The following OBSL1 variants were observed in gnomAD, a reference collection of about 807,000 sequenced individuals.
The protein encoded by OBSL1 is obscurin-like protein 1.
A neutral mutation model predicts 172.0 loss-of-function variants in OBSL1; 160 were observed. That is an observed-to-expected ratio of 0.93 (90% CI 0.82 to 1.06). The LOEUF is 1.06. OBSL1 is among the 50% of genes least tolerant of loss of function. The probability of loss-of-function intolerance (pLI) is 0.00; values close to 1 mark genes in which losing one functional copy is unlikely to be tolerated. For synonymous variants in OBSL1, 1,200 were observed against 1,196.3 expected (o/e 1.00, Z -0.06); for missense variants, 2,681 against 2,715.4 (o/e 0.99, Z 0.28).
At chr2:219,564,308 G>A (rs1696714458) in intron 6 of OBSL1, among the ~76,000 whole-genome samples, 1 of 152,194 alleles carries the variant, frequency 6.6e-6, no homozygotes, top group African/African-American at 2.4e-5. Context: ...GAGAACCACG[G>A]GGTGACTGCA....
At chr2:219,561,914 G>C in intron 8 of OBSL1, 1 of 717,506 alleles carries the variant, frequency 1.4e-6, no homozygotes, top group Non-Finnish European at 2.6e-6. Flanking sequence ...GTCGCCATGG[G>C]GGGAAGCGGG....
Position 219,571,273 on chromosome 2 carries a change from C to CGGGG in OBSL1, c.-42_-41insCCCC. Reference sequence around the variant, plus strand: ...CCTGCAGCGGCGAACGGTGGGGGGGCAGGGGGGGGTGCGGAGGGCGAGCCG... The same window carrying CGGGG: ...CCTGCAGCGGCGAACGGTGGGGGGGCGGGGAGGGGGGGGTGCGGAGGGCGAGCCG... On this transcript the variant is annotated 5_prime_UTR_variant, in exon 1 of 21. Transcript: ENST00000404537. 5 of 861,576 alleles carry CGGGG rather than the reference C, an allele frequency of 5.8e-6. No individual in the cohort carries two copies. Among genetic ancestry groups the CGGGG allele is most frequent in the Non-Finnish European group, 7.6e-6 (5 of 657,164 alleles). 53.4% of individuals were successfully genotyped at this position (861,576 alleles called of 1,614,324 possible).
rs1574530103 is a variant in OBSL1, at chr2:219,556,040, A to G, written c.4589T>C (p.Leu1530Pro). The change falls in exon 14 of 21, where the codon CTG becomes CCG. Residue 1530 changes from leucine (L) to proline (P), a missense_variant. Leu to Pro is a moderately conservative substitution (Grantham distance 98). Coordinates refer to ENST00000404537, the MANE Select transcript of OBSL1 (RefSeq NM_015311.3). Reference protein sequence around the residue: ...YGCESHHDRTLARLSVRPRQL... With the variant: ...YGCESHHDRTPARLSVRPRQL... ...CTCACGCCTCACGCTGAGCCTGGCC[A>G]GGGTGCGATCGTGGTGGCTCTCGCA... 3.1e-6 allele frequency: 5 copies of G among 1,613,634 alleles called. No individual in the cohort carries two copies. The highest frequency in any genetic ancestry group is 4.2e-6 in the Non-Finnish European group (5 of 1,179,892).
chr2:219,563,983 T>C lies in OBSL1; in HGVS notation c.2408-356A>G, dbSNP rs188005742. On this transcript the variant is annotated intron_variant, in intron 6 of 20. Coordinates refer to ENST00000404537, the MANE Select transcript of OBSL1 (RefSeq NM_015311.3). ...ATCAGGGCCATGCTTACTGCCTCTA[T>C]TACGAGAAAGACCCCAGGGTGGGCA... Among the ~76,000 whole-genome samples the C allele has an allele frequency of 2.0e-4, 30 of 152,228 alleles. 1 individual carries two copies. The highest frequency in any genetic ancestry group is 7.0e-4 in the African/African-American group (29 of 41,546).
rs371604956 is a variant in OBSL1, at chr2:219,567,338, C to A, written c.1772G>T (p.Arg591Leu). 4 of 1,610,558 alleles carry A rather than the reference C, an allele frequency of 2.5e-6. No homozygotes were observed. Among genetic ancestry groups the A allele is most frequent in the Non-Finnish European group, 3.4e-6 (4 of 1,177,590 alleles). ...CVPSEGDYRF[R>L]ICTVSGHGRS... The stretch of plus-strand genomic sequence containing the variant: ...GCCATGTCCGCTGACTGTGCAGATG[C>A]GGAAGCGGTAGTCACCCTCGGAGGG... Residue 591 changes from arginine (R) to leucine (L), a missense_variant, in exon 4 of 21, where the codon CGC becomes CTC. Physicochemically the swap from Arg to Leu is moderately radical, Grantham distance 102 (BLOSUM62 -2). This residue lies in a region of OBSL1 where 706 missense variants were observed against 695.8 expected (regional missense o/e 1.01). Transcript: ENST00000404537.
rs1223097293 is a variant in OBSL1, at chr2:219,571,353, G to A, written c.-121C>T. On this transcript the variant is annotated 5_prime_UTR_variant, in exon 1 of 21. Coordinates refer to ENST00000404537, the MANE Select transcript of OBSL1 (RefSeq NM_015311.3). ...CTGGGGACTGGGCGCGGGGACCCGC[G>A]GAGCTCTCCCGGGCCTCCCGCTCCC... 4.3e-5 allele frequency: 25 copies of A among 586,566 alleles called. No homozygotes were observed. Among genetic ancestry groups the A allele is most frequent in the Non-Finnish European group, 2.5e-5 (10 of 408,144 alleles). The allele number at this position is 586,566 out of a possible 1,614,324, so 36.3% of individuals were successfully genotyped here. A position where few individuals can be genotyped will look rare whatever the true frequency, so the allele number is the denominator to read the frequency against.
intron 8 of OBSL1, among the ~76,000 whole-genome samples, chr2:219,560,795 C>T (rs1696407124): frequency 6.6e-6 from 1 of 152,194 alleles, no homozygotes; most frequent in African/African-American, 2.4e-5. Context: ...CCGAGCAAGG[C>T]CAGGAGAGAC....
At chr2:219,551,918 G>T in intron 19 of OBSL1, 120 bp from the exon 20 acceptor site, 1 of 852,226 alleles carries the variant, frequency 1.2e-6, no homozygotes, top group Non-Finnish European at 1.9e-6. Flanking sequence ...CCACCAGTCC[G>T]TTCCCTTGCA....
In OBSL1 at chr2:219,563,482, G is replaced by A. The variant is rs1173367948; in HGVS notation, c.2553C>T (p.Asp851=). The A allele has an allele frequency of 6.2e-7, 1 of 1,613,930 alleles. No individual in the cohort carries two copies. Among genetic ancestry groups the A allele is most frequent in the South Asian group, 1.1e-5 (1 of 91,076 alleles). ...GCCCCTCATTCTCCAGCACCACGAA[G>A]TCACTCTCCTCCACCTCCTGCCCGT... The part of the protein sequence containing the change: ...YKDGQEVEES[D]FVVLENEGPH... The change falls in exon 7 of 21, where the codon GAC becomes GAT. Residue 851 remains aspartate (D), a synonymous_variant. Transcript: ENST00000404537.
intron 8 of OBSL1, 105 bp downstream of exon 8, chr2:219,562,297 C>T (rs778227357): frequency 4.7e-5 from 66 of 1,409,332 alleles, no homozygotes; most frequent in Non-Finnish European, 6.4e-5. Context: ...GCACCTGCAG[C>T]CCACACCTCC....
chr2:219,558,793 C>A (rs144100576), intron 9 of OBSL1, among the ~76,000 whole-genome samples: 92 of 152,322 alleles, frequency 6.0e-4, no homozygotes, highest in African/African-American at 2.1e-3. Context: ...CACCCCACTC[C>A]ACACCCATCC....
At chr2:219,553,950 C>A (rs960185893) in intron 15 of OBSL1, among the ~76,000 whole-genome samples, 11 of 150,998 alleles carry the variant, frequency 7.3e-5, no homozygotes, top group Non-Finnish European at 1.3e-4. Context: ...AGCTGGGGGC[C>A]AGAGGGCAAT....
chr2:219,570,857 C>T lies in OBSL1; in HGVS notation c.376G>A (p.Gly126Ser). The change falls in exon 1 of 21, where the codon GGC (glycine) becomes AGC (serine). Residue 126 changes from glycine (G) to serine (S), a missense_variant. This residue lies in a region of OBSL1 where 706 missense variants were observed against 695.8 expected (regional missense o/e 1.01). Coordinates refer to ENST00000404537, the MANE Select transcript of OBSL1 (RefSeq NM_015311.3). ...GGCCCCGTGAGGAAGACCGGGGCGC[C>T]CTCCCCGGACCCCGGCGATGGCAGC... ...RPLPSPGSGE[G>S]APVFLTGPRS... is the part of the protein sequence containing the mutation. 7.1e-7 allele frequency: 1 copy of T among 1,414,316 alleles called. No individual in the cohort carries two copies. 87.6% of individuals were successfully genotyped at this position (1,414,316 alleles called of 1,614,324 possible).
rs781561827 is a variant in OBSL1 at position 219,556,656 on chromosome 2, C to G, written c.4134G>C (p.Thr1378=). The G allele has an allele frequency of 2.5e-6, 4 of 1,612,814 alleles. No homozygotes were observed. In the South Asian group the frequency reaches 3.3e-5, roughly 13 times the overall value. ...CTGGTGGGGAGACTTCACACCGGAA[C>G]GTGGCATCATCGCCCTCGTGGACAG... ...PLTVHEGDDA[T]FRCEVSPPDA... Residue 1378 remains threonine, a synonymous_variant, in exon 13 of 21, where the codon ACG becomes ACC. Transcript: ENST00000404537.
At position 219,552,601 on chromosome 2, in the gene OBSL1, G is replaced by C; in HGVS notation, c.5243C>G (p.Thr1748Arg). The C allele has an allele frequency of 6.3e-7, 1 of 1,581,350 alleles. No homozygotes were observed. The highest frequency in any genetic ancestry group is 1.1e-5 in the South Asian group (1 of 87,716). ...GCGGCCTCCGAGCTCCCAGCGCCCC[G>C]TGGTCTCGACCTCCGACACGGTGCA... Reference protein sequence around the residue: ...FECTVSEVETTGRWELGGRPL... With the variant: ...FECTVSEVETRGRWELGGRPL... Residue 1748 changes from threonine (T) to arginine (R), a missense_variant, in exon 18 of 21, where the codon ACG becomes AGG. Physicochemically the swap from Thr to Arg is moderately conservative, Grantham distance 71 (BLOSUM62 -1). This residue lies in a region of OBSL1 where 1,765 missense variants were observed against 1,748.3 expected (regional missense o/e 1.01). Coordinates refer to ENST00000404537, the MANE Select transcript of OBSL1 (RefSeq NM_015311.3).
intron 8 of OBSL1, among the ~76,000 whole-genome samples, chr2:219,560,613 G>A (rs1022288014): frequency 1.3e-5 from 2 of 152,140 alleles, no homozygotes; most frequent in Non-Finnish European, 2.9e-5. Flanking sequence ...CCAGGGTTGG[G>A]GGGGTGGGGG....
chr2:219,558,440 C>T lies in OBSL1; in HGVS notation c.3246G>A (p.Val1082=). The T allele has an allele frequency of 6.3e-7, 1 of 1,586,918 alleles. No individual in the cohort carries two copies. The highest frequency in any genetic ancestry group is 1.1e-5 in the South Asian group (1 of 87,284). ...VTVTAPPERI[V]HPAARSLDLH... is the part of the protein sequence containing the mutation. ...GATCCAGGGAGCGGGCTGCCGGGTGCACAATCCTCTCTGGTGGGGCTGGTG... is the reference window on the plus strand; with the variant it reads ...GATCCAGGGAGCGGGCTGCCGGGTGTACAATCCTCTCTGGTGGGGCTGGTG... The change falls in exon 10 of 21, where the codon GTG becomes GTA. Residue 1082 remains valine, a synonymous_variant. Coordinates refer to ENST00000404537, the MANE Select transcript of OBSL1 (RefSeq NM_015311.3).
At chr2:219,548,137 T>G, downstream of OBSL1, 1 of 1,429,036 alleles carries the variant, frequency 7.0e-7, no homozygotes, top group Non-Finnish European at 9.3e-7. Flanking sequence ...AGGGATGGGT[T>G]GGGGGCCAAG....
rs191634842 is a variant in OBSL1, at chr2:219,562,840, G to A, written c.2681-166C>T. ...CAGTTACTCACAGCTAGAGACACAC[G>A]AATACAGCTGTCACAAAAGCACAGC... On this transcript the variant is annotated intron_variant, in intron 7 of 20. Coordinates refer to ENST00000404537, the MANE Select transcript of OBSL1 (RefSeq NM_015311.3). 616 of 710,346 alleles carry A rather than the reference G, an allele frequency of 8.7e-4. 2 individuals are homozygous for A. Among genetic ancestry groups the A allele is most frequent in the African/African-American group, 4.4e-3 (247 of 56,178 alleles). 44.0% of individuals were successfully genotyped at this position (710,346 alleles called of 1,614,324 possible). A position where few individuals can be genotyped will look rare whatever the true frequency, so the allele number is the denominator to read the frequency against.
Sources: gnomAD v4.1 joint callset for allele counts (sites outside exome capture counted in the v4.1 genomes callset) on GRCh38, gnomAD v4.1.1 for gene constraint, gnomAD v4.1.1 regional missense constraint, MANE v1.5 for transcripts, NCBI Gene and HGNC (gene_info 2026-07-23, HGNC 2026-07-21) for gene names.